Variants in NELL2 observed in about 807,000 individuals in gnomAD.
The protein encoded by NELL2 is neural EGFL like 2.
A neutral mutation model predicts 109.6 loss-of-function variants in NELL2; 41 were observed. The ratio of observed to expected loss-of-function variants is 0.37; its 90% CI spans 0.29 to 0.49. The LOEUF is 0.49. NELL2 is among the 20% of genes least tolerant of loss of function. The pLI is 0.98. For missense variants in NELL2, 900 were observed against 1,008.3 expected, an observed-to-expected ratio of 0.89 and a Z score of 1.45; for synonymous variants, 355 against 344.7, an observed-to-expected ratio of 1.03 and a Z score of -0.33.
intron 2 of NELL2, among the ~76,000 whole-genome samples, chr12:44,846,731 T>A (rs1012684930): frequency 6.6e-6 from 1 of 151,578 alleles, no homozygotes; most frequent in East Asian, 1.9e-4. Flanking sequence ...CCCATGCCAA[T>A]AGCATATGTG....
chr12:44,544,162 T>C (rs1459441750), intron 15 of NELL2, among the ~76,000 whole-genome samples: 1 of 152,064 alleles, frequency 6.6e-6, no homozygotes, highest in Non-Finnish European at 1.5e-5. Flanking sequence ...ATTGCTGAAG[T>C]CTGAAAAGGT....
At chr12:44,563,005 T>C (rs1012862945) in intron 15 of NELL2, among the ~76,000 whole-genome samples, 1 of 152,242 alleles carries the variant, frequency 6.6e-6, no homozygotes, top group African/African-American at 2.4e-5. Flanking sequence ...GATGAGTTCC[T>C]GTCCTTTGCA....
chr12:44,796,160 C>T (rs1489513585), intron 3 of NELL2, among the ~76,000 whole-genome samples: 1 of 152,118 alleles, frequency 6.6e-6, no homozygotes, highest in Admixed American at 6.5e-5. Context: ...TAAGTGCTTA[C>T]TTTGCACAAT....
chr12:44,787,883 G>C (rs1245764243), intron 3 of NELL2, among the ~76,000 whole-genome samples: 1 of 151,996 alleles, frequency 6.6e-6, no homozygotes, highest in East Asian at 1.9e-4. Flanking sequence ...AAAATGTTAG[G>C]GATTTAAGTC....
intron 12 of NELL2, among the ~76,000 whole-genome samples, chr12:44,681,926 T>G (rs1176158886): frequency 6.6e-6 from 1 of 151,598 alleles, no homozygotes; most frequent in Non-Finnish European, 1.5e-5. Context: ...CCTTTGGGTA[T>G]ATACCCAGTA....
intron 3 of NELL2, among the ~76,000 whole-genome samples, chr12:44,785,723 C>T (rs1016497333): frequency 1.6e-4 from 25 of 152,044 alleles, no homozygotes; most frequent in African/African-American, 6.0e-4. Context: ...GAAATAACAC[C>T]ACACATCTAC....
chr12:44,864,940 G>C (rs560458604), intron 2 of NELL2, among the ~76,000 whole-genome samples: 1 of 148,326 alleles, frequency 6.7e-6, no homozygotes, highest in Non-Finnish European at 1.5e-5. Context: ...CTGAGGAATC[G>C]CCACACTGAC....
At chr12:44,752,607 A>G (rs1002273667) in intron 9 of NELL2, among the ~76,000 whole-genome samples, 2 of 152,198 alleles carry the variant, frequency 1.3e-5, no homozygotes, top group African/African-American at 2.4e-5. Flanking sequence ...TTCAATTCAG[A>G]AAGTCCTGAA....
intron 8 of NELL2, 24 bp downstream of exon 8, chr12:44,775,998 T>A (rs1337145476): frequency 1.3e-5 from 21 of 1,607,496 alleles, no homozygotes; most frequent in Non-Finnish European, 1.8e-5. Context: ...GTTCCCTTAG[T>A]CTCAACTCAA....
chr12:44,559,184 A>C (rs1485117780), intron 15 of NELL2, among the ~76,000 whole-genome samples: 1 of 152,220 alleles, frequency 6.6e-6, no homozygotes, highest in East Asian at 1.9e-4. Context: ...GGAAGCAGTA[A>C]ACATGGAAAG....
chr12:44,711,670 T>C (rs1822919614), intron 10 of NELL2, among the ~76,000 whole-genome samples: 2 of 151,998 alleles, frequency 1.3e-5, no homozygotes, highest in Non-Finnish European at 2.9e-5. Context: ...TCCTGGAAAA[T>C]TTTGCTAGTT....
At chr12:44,915,342 A>C (rs1043388863), upstream of NELL2, among the ~76,000 whole-genome samples, 1 of 152,152 alleles carries the variant, frequency 6.6e-6, no homozygotes, top group Non-Finnish European at 1.5e-5. Context: ...CAAAACACTG[A>C]ATCAGTAATT....
chr12:44,911,854 G>C (rs1490668129), intron 1 of NELL2, among the ~76,000 whole-genome samples: 1 of 151,870 alleles, frequency 6.6e-6, no homozygotes, highest in Non-Finnish European at 1.5e-5. Context: ...TAAAGTCACA[G>C]GTGATACTTA....
At chr12:44,910,355 T>G (rs1213479017) in intron 1 of NELL2, among the ~76,000 whole-genome samples, 1 of 151,736 alleles carries the variant, frequency 6.6e-6, no homozygotes, top group Admixed American at 6.6e-5. Context: ...CCAACAAACA[T>G]GAAAAATGTT....
intron 16 of NELL2, among the ~76,000 whole-genome samples, chr12:44,530,121 A>G (rs1387155287): frequency 1.3e-5 from 2 of 152,198 alleles, no homozygotes; most frequent in African/African-American, 4.8e-5. Flanking sequence ...TGATAGGAGC[A>G]GGGCCACTTC....
intron 12 of NELL2, among the ~76,000 whole-genome samples, chr12:44,670,582 T>C (rs909248310): frequency 2.0e-5 from 3 of 151,286 alleles, no homozygotes; most frequent in Admixed American, 2.0e-4. Context: ...TCTATAAAGA[T>C]ACACATAGAC....
chr12:44,672,879 T>C (rs372750829), intron 12 of NELL2, among the ~76,000 whole-genome samples: 24 of 152,340 alleles, frequency 1.6e-4, no homozygotes, highest in African/African-American at 5.3e-4. Flanking sequence ...TCTTCTTTTA[T>C]AGATGTTTCC....
chr12:44,528,953 G>C (rs572139223), intron 16 of NELL2, among the ~76,000 whole-genome samples: 1 of 152,310 alleles, frequency 6.6e-6, no homozygotes, highest in South Asian at 2.1e-4. Context: ...AGAAGGCAAA[G>C]GATGCATATC....
At chr12:44,557,074 G>A (rs1943285494) in intron 15 of NELL2, among the ~76,000 whole-genome samples, 1 of 152,166 alleles carries the variant, frequency 6.6e-6, no homozygotes, top group Non-Finnish European at 1.5e-5. Flanking sequence ...CTCTCAGCAT[G>A]CTAATGGCTG....
Sources: gnomAD v4.1 joint callset for allele counts (sites outside exome capture counted in the v4.1 genomes callset) on GRCh38, gnomAD v4.1.1 for gene constraint, MANE v1.5 for transcripts, NCBI Gene and HGNC (gene_info 2026-07-23, HGNC 2026-07-21) for gene names.